The following CCDC60 variants were observed in gnomAD, a reference collection of about 807,000 sequenced individuals.
CCDC60 encodes coiled-coil domain-containing protein 60.
CCDC60 carries 54 observed loss-of-function variants against 63.5 expected under a neutral mutation model. The observed-to-expected ratio is 0.85, with a 90% CI of 0.68 to 1.07. The LOEUF (loss-of-function observed/expected upper bound fraction) is 1.07. Ranked by LOEUF, CCDC60 falls within the 50% of genes least tolerant of loss-of-function variation. The pLI, the probability that CCDC60 is intolerant of heterozygous loss-of-function variation, is 0.00. For missense variants in CCDC60, 651 were observed against 684.3 expected, an observed-to-expected ratio of 0.95 and a Z score of 0.54; for synonymous variants, 206 against 238.8, an observed-to-expected ratio of 0.86 and a Z score of 1.27.
intron 1 of CCDC60, among the ~76,000 whole-genome samples, chr12:119,338,005 A>G (rs1023494712): frequency 1.3e-5 from 2 of 152,156 alleles, no homozygotes; most frequent in Non-Finnish European, 2.9e-5. Context: ...GGAGGAGGGT[A>G]GTGGGACTCA....
intron 1 of CCDC60, among the ~76,000 whole-genome samples, chr12:119,402,805 G>A (rs1354305373): frequency 6.6e-6 from 1 of 152,178 alleles, no homozygotes. Context: ...CAGAGAACTA[G>A]TGTAACTCTC....
intron 4 of CCDC60, among the ~76,000 whole-genome samples, chr12:119,480,778 A>G (rs1326257886): frequency 6.6e-6 from 1 of 150,846 alleles, no homozygotes; most frequent in African/African-American, 2.4e-5. Context: ...CACCATCATC[A>G]TCACCATCAT....
intron 1 of CCDC60, among the ~76,000 whole-genome samples, chr12:119,372,837 C>T (rs1256213645): frequency 6.6e-6 from 1 of 152,156 alleles, no homozygotes; most frequent in Non-Finnish European, 1.5e-5. Context: ...GTCACTTTCA[C>T]TCTTCCTTGT....
At chr12:119,529,191 T>G (rs1363081530) in intron 12 of CCDC60, among the ~76,000 whole-genome samples, 1 of 152,108 alleles carries the variant, frequency 6.6e-6, no homozygotes, top group South Asian at 2.1e-4. Context: ...ATAAGGGTGA[T>G]GATAAGTAAC....
chr12:119,368,210 GA>G (rs1472461111), intron 1 of CCDC60, among the ~76,000 whole-genome samples: 3 of 120,912 alleles, frequency 2.5e-5, no homozygotes, highest in Admixed American at 8.4e-5. Flanking sequence ...GCAGGAGGAG[GA>G]GGGGGAGGAA....
chr12:119,472,484 A>G (rs1298039052), intron 3 of CCDC60, among the ~76,000 whole-genome samples: 6 of 151,784 alleles, frequency 4.0e-5, no homozygotes, highest in Non-Finnish European at 8.8e-5. Context: ...TGCTAGTTTT[A>G]GTCCACATCA....
At chr12:119,519,401 A>ATATGTGTGTG (rs1381105667) in intron 8 of CCDC60, among the ~76,000 whole-genome samples, 3 of 136,412 alleles carry the variant, frequency 2.2e-5, no homozygotes, top group Non-Finnish European at 3.1e-5. Context: ...AGTGATATAT[A>ATATGTGTGTG]TGTGTGTGTG....
At chr12:119,363,147 G>T (rs1955807920) in intron 1 of CCDC60, among the ~76,000 whole-genome samples, 1 of 152,158 alleles carries the variant, frequency 6.6e-6, no homozygotes, top group Admixed American at 6.5e-5. Flanking sequence ...AGCATTCTAA[G>T]GTGTCAGCCA....
At chr12:119,494,777 T>C (rs1006100387) in intron 5 of CCDC60, among the ~76,000 whole-genome samples, 3 of 151,968 alleles carry the variant, frequency 2.0e-5, no homozygotes, top group Admixed American at 2.0e-4. Context: ...GGACAGGAGT[T>C]CGAGACCAGC....
intron 8 of CCDC60, among the ~76,000 whole-genome samples, chr12:119,519,864 G>A (rs901007465): frequency 2.1e-5 from 3 of 144,714 alleles, no homozygotes; most frequent in Admixed American, 6.9e-5. Context: ...GAGTGTGTGT[G>A]TGTGTGTGTG....
intron 1 of CCDC60, among the ~76,000 whole-genome samples, chr12:119,341,385 A>C (rs1164979216): frequency 1.3e-5 from 2 of 152,126 alleles, no homozygotes; most frequent in Non-Finnish European, 2.9e-5. Context: ...ATGATCCAAG[A>C]GTCTTGTTGA....
At chr12:119,455,931 AAG>A (rs1360993053) in intron 2 of CCDC60, among the ~76,000 whole-genome samples, 2 of 81,118 alleles carry the variant, frequency 2.5e-5, no homozygotes, top group African/African-American at 5.4e-5. Flanking sequence ...GAAAGAAAGA[AAG>A]AGAAAGAGAG....
At chr12:119,392,824 A>C (rs1239735687) in intron 1 of CCDC60, among the ~76,000 whole-genome samples, 1 of 152,046 alleles carries the variant, frequency 6.6e-6, no homozygotes, top group Non-Finnish European at 1.5e-5. Flanking sequence ...GAACATCCTG[A>C]CCCTGGGTCT....
At position 119,445,433 on chromosome 12, in the gene CCDC60, C is replaced by CAAA. The variant is rs58415660; in HGVS notation, c.170+16692_170+16694dup. Among the ~76,000 whole-genome samples, 117 of 27,158 alleles carry CAAA rather than the reference C, an allele frequency of 4.3e-3. 6 individuals are homozygous for CAAA. Among genetic ancestry groups the CAAA allele is most frequent in the African/African-American group, 0.01 (66 of 6,354 alleles). The allele number at this position is 27,158 out of a possible 152,430, so 17.8% of individuals were successfully genotyped here. The stretch of plus-strand genomic sequence containing the variant: ...TGAGTGACAGAGCGAGACTCCATCT[C>CAAA]AAAAAAAAAAAAAAAAAAAAAAAGG... On this transcript the variant is annotated intron_variant, in intron 2 of 13. Coordinates refer to ENST00000327554, the MANE Select transcript of CCDC60 (RefSeq NM_178499.5).
In CCDC60 at chr12:119,335,253, A is replaced by G. The variant is rs1250720040; in HGVS notation, c.77A>G (p.Glu26Gly). 1 of 1,602,404 alleles carries G rather than the reference A, an allele frequency of 6.2e-7. No homozygotes were observed. The highest frequency in any genetic ancestry group is 8.5e-7 in the Non-Finnish European group (1 of 1,174,886). The stretch of plus-strand genomic sequence containing the variant: ...GCTGTCCGGCCCTTTTATGCCTCGG[A>G]GAACCTAAGGCAGGTAAGTCTCCCC... ...SGAVRPFYAS[E>G]NLRQVPDKPM... is the part of the protein sequence containing the mutation. Residue 26 changes from glutamate (E) to glycine (G), a missense_variant, in exon 1 of 14, where the codon GAG becomes GGG. Physicochemically the swap from Glu to Gly is moderately conservative, Grantham distance 98. Transcript: ENST00000327554.
rs144217501 is a variant in CCDC60 at position 119,416,624 on chromosome 12, A to G, written c.91-12059A>G. Among the ~76,000 whole-genome samples the G allele has an allele frequency of 6.0e-4, 92 of 152,338 alleles. 1 individual carries two copies. The highest frequency in any genetic ancestry group is 2.1e-3 in the African/African-American group (88 of 41,580). ...ATTACAGCTTTCCTCACACAGCTCAATAGATTTTTTTTTACTTCAAAACAA... is the reference window on the plus strand; with the variant it reads ...ATTACAGCTTTCCTCACACAGCTCAGTAGATTTTTTTTTACTTCAAAACAA... On this transcript the variant is annotated intron_variant, in intron 1 of 13. Transcript: ENST00000327554.
chr12:119,457,316 A>G (rs1364289268), intron 2 of CCDC60, among the ~76,000 whole-genome samples: 1 of 152,132 alleles, frequency 6.6e-6, no homozygotes, highest in Non-Finnish European at 1.5e-5. Flanking sequence ...CTTCCATCCA[A>G]TTTATGATCA....
chr12:119,505,260 T>C lies in CCDC60; in HGVS notation c.840T>C (p.Asn280=). 1 of 1,612,820 alleles carries C rather than the reference T, an allele frequency of 6.2e-7. No homozygotes were observed. Among genetic ancestry groups the C allele is most frequent in the Non-Finnish European group, 8.5e-7 (1 of 1,180,012 alleles). ...CCAGCAGCAAGGACATTGAGGACAA[T>C]GAGTCATCTTCAACCAAGCCAGATG... ...QVTSSKDIED[N]ESSSTKPDEE... The change falls in exon 7 of 14, where the codon AAT becomes AAC. Residue 280 remains asparagine (N), a synonymous_variant. Transcript: ENST00000327554.
intron 2 of CCDC60, among the ~76,000 whole-genome samples, chr12:119,459,966 T>C (rs1045816446): frequency 3.9e-5 from 6 of 152,244 alleles, no homozygotes; most frequent in African/African-American, 1.2e-4. Flanking sequence ...CTCAGTAAAG[T>C]GGCTTTATCT....
Sources: allele counts gnomAD v4.1 joint callset (sites outside exome capture counted in the v4.1 genomes callset), GRCh38; gene constraint gnomAD v4.1.1; transcripts MANE v1.5; gene names NCBI Gene and HGNC (gene_info 2026-07-23, HGNC 2026-07-21).